Variants in KIF1B observed in about 807,000 individuals in gnomAD.
KIF1B encodes the protein kinesin-like protein KIF1B.
Under a neutral mutation model 241.9 loss-of-function variants are expected in KIF1B, and 76 were observed. That is an observed-to-expected ratio of 0.31 (90% confidence interval 0.26 to 0.38). The LOEUF (loss-of-function observed/expected upper bound fraction) is 0.38, where lower values mean the gene tolerates loss of function less well. Ranked by LOEUF, KIF1B falls within the 10% of genes least tolerant of loss-of-function variation. The probability of loss-of-function intolerance (pLI) is 1.00; values close to 1 mark genes in which losing one functional copy is unlikely to be tolerated. For synonymous variants in KIF1B, 750 were observed against 796.7 expected (o/e 0.94, Z 0.99); for missense variants, 1,622 against 2,271.4 (o/e 0.71, Z 5.81).
chr1:10,313,773 A>C (rs1326396040), intron 22 of KIF1B, among the ~76,000 whole-genome samples: 1 of 150,446 alleles, frequency 6.6e-6, no homozygotes, highest in Non-Finnish European at 1.5e-5. Context: ...GATGGTCTTG[A>C]TCTCCTGACC....
Position 10,325,093 on chromosome 1 carries a change from G to A in KIF1B, c.2675+198G>A, listed in dbSNP as rs181634723. ...TATATTCAGCAGGCATTTTTGTTTC[G>A]ACTCTCAAACTTTCAGCCAAAGTAT... On this transcript the variant is annotated intron_variant, in intron 26 of 48. Transcript: ENST00000676179. 2.6e-3 allele frequency among the ~76,000 whole-genome samples: 391 copies of A among 152,076 alleles called. 2 individuals carry two copies. Among genetic ancestry groups the A allele is most frequent in the African/African-American group, 8.9e-3 (371 of 41,492 alleles).
chr1:10,333,431 C>A (rs1652033886), intron 27 of KIF1B, among the ~76,000 whole-genome samples: 1 of 152,126 alleles, frequency 6.6e-6, no homozygotes, highest in South Asian at 2.1e-4. Flanking sequence ...GTGGCTCACG[C>A]CTGTAATCCC....
At chr1:10,308,591 C>T (rs1206115528) in intron 22 of KIF1B, 1 of 1,014,884 alleles carries the variant, frequency 9.9e-7, no homozygotes, top group Non-Finnish European at 1.2e-6. Flanking sequence ...TTGAAGTCAT[C>T]TTTTAAGAGT....
rs762280202 is a variant in KIF1B at position 10,232,393 on chromosome 1, A to G, written c.65A>G (p.Lys22Arg). ...VRPFNSRETS[K>R]ESKCIIQMQG... Reference sequence around the variant, plus strand: ...CCCTTCAATTCTCGAGAGACCAGCAAGGAATCCAAATGCATCATTCAGATG... The same window carrying G: ...CCCTTCAATTCTCGAGAGACCAGCAGGGAATCCAAATGCATCATTCAGATG... Residue 22 changes from lysine (K) to arginine (R), a missense_variant, in exon 2 of 49, where the codon AAG becomes AGG. Lys to Arg is a conservative substitution (Grantham distance 26). This residue lies in a region of KIF1B where 156 missense variants were observed against 244.8 expected (regional missense o/e 0.64). Coordinates refer to ENST00000676179, the MANE Select transcript of KIF1B (RefSeq NM_001365951.3). The G allele has an allele frequency of 3.1e-5, 50 of 1,614,004 alleles. No homozygotes were observed. Among genetic ancestry groups the G allele is most frequent in the Non-Finnish European group, 4.2e-5 (50 of 1,180,004 alleles).
intron 38 of KIF1B, among the ~76,000 whole-genome samples, chr1:10,356,084 C>T (rs17034828): frequency 0.016 from 2,499 of 152,136 alleles, 60 homozygotes; most frequent in African/African-American, 0.056. Context: ...ACAACATAAA[C>T]GGGCTGGGCT....
At chr1:10,257,185 C>T (rs1230597921) in intron 3 of KIF1B, among the ~76,000 whole-genome samples, 1 of 151,050 alleles carries the variant, frequency 6.6e-6, no homozygotes, top group African/African-American at 2.4e-5. Context: ...GCCTCGACCT[C>T]TCAAAGTGTT....
intron 14 of KIF1B, among the ~76,000 whole-genome samples, chr1:10,279,827 T>C (rs1649318083): frequency 6.6e-6 from 1 of 151,108 alleles, no homozygotes; most frequent in South Asian, 2.1e-4. Context: ...CTCCTGAGTA[T>C]CTGAGACTAC....
intron 4 of KIF1B, among the ~76,000 whole-genome samples, chr1:10,260,068 G>A (rs1648041185): frequency 1.3e-5 from 2 of 152,118 alleles, no homozygotes; most frequent in Admixed American, 1.3e-4. Context: ...TAGTCGTTAG[G>A]TGCTTTTGTC....
chr1:10,279,157 G>T lies in KIF1B; in HGVS notation c.1222+19G>T. On this transcript the variant is annotated intron_variant, in intron 14 of 48. Transcript: ENST00000676179. ...AGCAAATGTGTGTATTTCACATATTGGTTATTTCCAGTACTCTGACTTGCT... is the reference window on the plus strand; with the variant it reads ...AGCAAATGTGTGTATTTCACATATTTGTTATTTCCAGTACTCTGACTTGCT... 1 of 1,453,710 alleles carries T rather than the reference G, an allele frequency of 6.9e-7. No homozygotes were observed. Among genetic ancestry groups the T allele is most frequent in the Non-Finnish European group, 9.4e-7 (1 of 1,059,826 alleles). The allele number at this position is 1,453,710 out of a possible 1,614,324, so 90.1% of individuals were successfully genotyped here.
intron 1 of KIF1B, among the ~76,000 whole-genome samples, chr1:10,220,390 AGATAGAT>A (rs1236756264): frequency 2.3e-5 from 3 of 131,358 alleles, no homozygotes; most frequent in Admixed American, 7.9e-5. Flanking sequence ...ATAGATAGAT[AGATAGAT>A]GATAGATAGA....
intron 27 of KIF1B, among the ~76,000 whole-genome samples, chr1:10,329,687 C>T (rs1017249516): frequency 3.9e-5 from 6 of 152,102 alleles, no homozygotes; most frequent in South Asian, 4.2e-4. Flanking sequence ...GAGCCGAGAT[C>T]GCGCCACTGC....
intron 5 of KIF1B, among the ~76,000 whole-genome samples, chr1:10,265,633 C>A (rs1648416403): frequency 6.6e-6 from 1 of 152,028 alleles, no homozygotes; most frequent in Non-Finnish European, 1.5e-5. Context: ...TTGCTTGAGC[C>A]CAGGAGTTCA....
At chr1:10,375,185 G>A in intron 47 of KIF1B, 70 bp from the exon 48 acceptor site, 2 of 1,475,616 alleles carry the variant, frequency 1.4e-6, no homozygotes, top group Non-Finnish European at 9.5e-7. Context: ...TATGCCTTGG[G>A]AATATGGCAA....
At position 10,266,980 on chromosome 1, in the gene KIF1B, G is replaced by T. The variant is rs1345273511; in HGVS notation, c.430-400G>T. ...TAAAAGTTAAAAAAATTTTTTTTCT[G>T]TATGTGATTTCTTTTGTTTTCTTTT... On this transcript the variant is annotated intron_variant, in intron 5 of 48. Transcript: ENST00000676179. Among the ~76,000 whole-genome samples the T allele has an allele frequency of 2.0e-5, 3 of 151,788 alleles. No homozygotes were observed. The East Asian group carries it at 5.8e-4, about 29-fold the overall frequency.
rs576001336 is a variant in KIF1B at position 10,379,377 on chromosome 1, G to A, written c.*2790G>A. Reference sequence around the variant, plus strand: ...GGGAGCCAGAGGGAGCAGAGTGGTCGTGTCCTGCGTGCTCTTCACCCTCTG... The same window carrying A: ...GGGAGCCAGAGGGAGCAGAGTGGTCATGTCCTGCGTGCTCTTCACCCTCTG... On this transcript the variant is annotated 3_prime_UTR_variant, in exon 49 of 49. Coordinates refer to ENST00000676179, the MANE Select transcript of KIF1B (RefSeq NM_001365951.3). 6.5e-5 allele frequency: 15 copies of A among 230,914 alleles called. No individual in the cohort carries two copies. Among genetic ancestry groups the A allele is most frequent in the Non-Finnish European group, 9.5e-5 (11 of 116,348 alleles). The allele number at this position is 230,914 out of a possible 1,614,324, so 14.3% of individuals were successfully genotyped here.
intron 1 of KIF1B, among the ~76,000 whole-genome samples, chr1:10,228,717 A>G (rs947949612): frequency 6.6e-6 from 1 of 152,220 alleles, no homozygotes; most frequent in African/African-American, 2.4e-5. Context: ...CTAAAAGCCC[A>G]AAGAACAGTC....
At position 10,365,790 on chromosome 1, in the gene KIF1B, G is replaced by C. The variant is rs1299435760; in HGVS notation, c.4752+142G>C. On this transcript the variant is annotated intron_variant, in intron 43 of 48. Coordinates refer to ENST00000676179, the MANE Select transcript of KIF1B (RefSeq NM_001365951.3). The surrounding 1 kb of genome is among the most constrained non-coding windows in gnomAD (Gnocchi z 4.0). The stretch of plus-strand genomic sequence containing the variant: ...GTGAATGTAGAAATAAAAAGACGCA[G>C]TTCCTACCCTCAACAAGCTTACAGG... The C allele has an allele frequency of 4.9e-6, 6 of 1,220,120 alleles. No individual in the cohort carries two copies. Among genetic ancestry groups the C allele is most frequent in the Non-Finnish European group, 7.0e-6 (6 of 852,674 alleles). The allele number at this position is 1,220,120 out of a possible 1,614,324, so 75.6% of individuals were successfully genotyped here.
At chr1:10,290,989 C>T (rs1321302152) in intron 15 of KIF1B, 93 bp from the exon 16 acceptor site, 3 of 924,218 alleles carry the variant, frequency 3.2e-6, no homozygotes, top group Non-Finnish European at 5.3e-6. Context: ...TGGCCTGTAT[C>T]CTCAAAGGGC....
intron 3 of KIF1B, 68 bp from the exon 4 acceptor site, chr1:10,258,425 A>C: frequency 6.7e-7 from 1 of 1,502,238 alleles, no homozygotes; most frequent in Non-Finnish European, 9.2e-7. Context: ...TTATTATGGA[A>C]GCAATCAAGT....
Sources: gnomAD v4.1 joint callset for allele counts (sites outside exome capture counted in the v4.1 genomes callset) on GRCh38, gnomAD v4.1.1 for gene constraint, gnomAD v4.1.1 regional missense constraint, Gnocchi (gnomAD v3.1) non-coding constraint, MANE v1.5 for transcripts, NCBI Gene and HGNC (gene_info 2026-07-23, HGNC 2026-07-21) for gene names.